MTARC2: variants seen among roughly 807,000 people sequenced by gnomAD.
MTARC2 encodes the protein MOCO sulphurase C-terminal domain containing 2.
A neutral mutation model predicts 35.6 loss-of-function variants in MTARC2; 27 were observed. The ratio of observed to expected loss-of-function variants is 0.76; its 90% CI spans 0.56 to 1.04. MTARC2 has a LOEUF of 1.04. Among genes scored for constraint, MTARC2 ranks in the 50% least tolerant of loss-of-function variants. MTARC2 has a pLI of 0.00. For missense variants in MTARC2, 412 were observed against 432.5 expected, an observed-to-expected ratio of 0.95 and a Z score of 0.42; for synonymous variants, 158 against 167.1, an observed-to-expected ratio of 0.95 and a Z score of 0.42.
chr1:220,760,068 A>G lies in MTARC2; in HGVS notation c.447-1590A>G, dbSNP rs78848207. On this transcript the variant is annotated intron_variant, in intron 2 of 7. Coordinates refer to ENST00000366913, the MANE Select transcript of MTARC2 (RefSeq NM_017898.5). Reference sequence around the variant, plus strand: ...ATGGTAGATGAGGGTAGGGGAATCAATTTCCAGATCCTGTGAATTATATCT... The same window carrying G: ...ATGGTAGATGAGGGTAGGGGAATCAGTTTCCAGATCCTGTGAATTATATCT... 5.7e-3 allele frequency among the ~76,000 whole-genome samples: 875 copies of G among 152,228 alleles called. 9 individuals carry two copies. The East Asian group carries it at 0.06, about 10-fold the overall frequency.
intron 4 of MTARC2, among the ~76,000 whole-genome samples, chr1:220,777,666 C>T (rs1451211576): frequency 1.3e-5 from 2 of 152,104 alleles, no homozygotes. Flanking sequence ...AGAGGATTGC[C>T]CTGTGAAATT....
intron 4 of MTARC2, among the ~76,000 whole-genome samples, chr1:220,774,751 A>G (rs1281534726): frequency 3.9e-5 from 6 of 152,292 alleles, no homozygotes; most frequent in Admixed American, 3.9e-4. Context: ...CCTCACTCTC[A>G]GCGGTCTTAT....
chr1:220,754,955 T>C lies in MTARC2; in HGVS notation c.281T>C (p.Leu94Pro). The change falls in exon 2 of 8, where the codon CTG (leucine) becomes CCG (proline). Residue 94 changes from leucine (L) to proline (P), a missense_variant. Coordinates refer to ENST00000366913, the MANE Select transcript of MTARC2 (RefSeq NM_017898.5). Reference sequence around the variant, plus strand: ...GGTTTGTTTCTCTGCAGGTTTTGGCTGGTGATTAAGGAAGATGGACACATG... The same window carrying C: ...GGTTTGTTTCTCTGCAGGTTTTGGCCGGTGATTAAGGAAGATGGACACATG... ...RSGNLRDRFW[L>P]VIKEDGHMVT... is the part of the protein sequence containing the mutation. The C allele has an allele frequency of 6.3e-7, 1 of 1,585,036 alleles. No homozygotes were observed. Among genetic ancestry groups the C allele is most frequent in the Non-Finnish European group, 8.6e-7 (1 of 1,165,728 alleles).
rs560123842 is a variant in MTARC2, at chr1:220,766,108, C to T, written c.750+3058C>T. On this transcript the variant is annotated intron_variant, in intron 4 of 7. Coordinates refer to ENST00000366913, the MANE Select transcript of MTARC2 (RefSeq NM_017898.5). ...GAGAGTGCCAGAGAGGAAGAGGCCCCCGACGTACTCAGGAGACTAGTTTCT... is the reference window on the plus strand; with the variant it reads ...GAGAGTGCCAGAGAGGAAGAGGCCCTCGACGTACTCAGGAGACTAGTTTCT... Among the ~76,000 whole-genome samples the T allele has an allele frequency of 1.1e-4, 16 of 152,088 alleles. No individual in the cohort carries two copies. The South Asian group carries it at 3.1e-3, about 30-fold the overall frequency.
chr1:220,767,676 GTT>G (rs1671619101), intron 4 of MTARC2, among the ~76,000 whole-genome samples: 1 of 152,178 alleles, frequency 6.6e-6, no homozygotes, highest in African/African-American at 2.4e-5. Context: ...GGAATAACTT[GTT>G]TGTATCAGTC....
At chr1:220,756,816 C>T (rs1671293163) in intron 2 of MTARC2, among the ~76,000 whole-genome samples, 1 of 152,238 alleles carries the variant, frequency 6.6e-6, no homozygotes, top group Non-Finnish European at 1.5e-5. Flanking sequence ...GGACACTCAC[C>T]TTCCTGGATG....
At chr1:220,757,982 T>TTTA (rs927228201) in intron 2 of MTARC2, among the ~76,000 whole-genome samples, 1 of 152,042 alleles carries the variant, frequency 6.6e-6, no homozygotes, top group African/African-American at 2.4e-5. Context: ...CTTATTTTAT[T>TTTA]TTATTATTAT....
At chr1:220,753,857 C>T (rs1175377842) in intron 1 of MTARC2, among the ~76,000 whole-genome samples, 1 of 152,088 alleles carries the variant, frequency 6.6e-6, no homozygotes, top group East Asian at 1.9e-4. Flanking sequence ...CAAGACCAGC[C>T]CAGCCAACAT....
intron 1 of MTARC2, among the ~76,000 whole-genome samples, chr1:220,753,307 CCAGCTTTTTGGAAG>C (rs1671182022): frequency 6.6e-6 from 1 of 152,148 alleles, no homozygotes; most frequent in Non-Finnish European, 1.5e-5. Flanking sequence ...CCCAGTGTCA[CCAGCTTTTTGGAAG>C]CAGGTAGTCA....
chr1:220,752,034 G>T (rs393585), intron 1 of MTARC2, among the ~76,000 whole-genome samples: 56,029 of 152,002 alleles, frequency 0.37, 13,476 homozygotes, highest in East Asian at 0.7. Context: ...TCCAAAATTG[G>T]ACTCCCTGTA....
intron 2 of MTARC2, among the ~76,000 whole-genome samples, chr1:220,756,707 A>C (rs934776664): frequency 2.0e-5 from 3 of 152,188 alleles, no homozygotes; most frequent in Non-Finnish European, 4.4e-5. Flanking sequence ...GTGTCACATG[A>C]GTAATATAGG....
chr1:220,768,989 G>C (rs1241550492), intron 4 of MTARC2, among the ~76,000 whole-genome samples: 1 of 152,290 alleles, frequency 6.6e-6, no homozygotes, highest in Admixed American at 6.5e-5. Context: ...ATTAGGAAAA[G>C]CTCCAGTGAT....
intron 2 of MTARC2, among the ~76,000 whole-genome samples, chr1:220,760,735 A>C (rs337139): frequency 0.74 from 112,496 of 152,064 alleles, 43,092 homozygotes; most frequent in African/African-American, 0.93. Context: ...AAGAAACAAA[A>C]CAAATTTAAT....
intron 4 of MTARC2, among the ~76,000 whole-genome samples, chr1:220,769,953 A>AAAAAAAG (rs1181385840): frequency 6.7e-6 from 1 of 149,628 alleles, no homozygotes; most frequent in East Asian, 2.0e-4. Flanking sequence ...AAAAAAAAAA[A>AAAAAAAG]AAAATTAAGC....
Position 220,781,777 on chromosome 1 carries a change from G to A in MTARC2, c.885-1G>A. On this transcript the variant is annotated splice_acceptor_variant, in intron 6 of 7. Transcript: ENST00000366913. LOFTEE classifies it high-confidence loss of function. ...GATGATTGAATTTTTGCTTGTTTCA[G>A]CTACCGCCTGTGTGATCCTTCTGAG... The A allele has an allele frequency of 1.2e-6, 2 of 1,613,964 alleles. No individual in the cohort carries two copies. Among genetic ancestry groups the A allele is most frequent in the Non-Finnish European group, 8.5e-7 (1 of 1,179,896 alleles).
At chr1:220,756,029 C>T (rs545986129) in intron 2 of MTARC2, among the ~76,000 whole-genome samples, 37 of 152,298 alleles carry the variant, frequency 2.4e-4, no homozygotes, top group African/African-American at 6.0e-4. Context: ...GTTGACTCTG[C>T]GGCCTCTGAA....
chr1:220,753,506 A>G (rs76178819), intron 1 of MTARC2, among the ~76,000 whole-genome samples: 2,894 of 152,314 alleles, frequency 0.019, 128 homozygotes, highest in East Asian at 0.15. Context: ...TGTCAGGGTC[A>G]GGACAGGGCA....
chr1:220,748,618 A>G lies in MTARC2; in HGVS notation c.87A>G (p.Gly29=). ...WPRWLGVAAL[G]LAAVALGTVA... ...GGTGGCTCGGGGTCGCCGCGCTAGG[A>G]CTGGCCGCCGTGGCCCTGGGGACTG... The change falls in exon 1 of 8, where the codon GGA becomes GGG. Residue 29 remains glycine (G), a synonymous_variant. Transcript: ENST00000366913. 6.7e-7 allele frequency: 1 copy of G among 1,485,350 alleles called. No homozygotes were observed. Among genetic ancestry groups the G allele is most frequent in the Non-Finnish European group, 8.9e-7 (1 of 1,126,126 alleles). 92.0% of individuals were successfully genotyped at this position (1,485,350 alleles called of 1,614,324 possible).
intron 1 of MTARC2, 93 bp downstream of exon 1, chr1:220,748,896 T>C (rs939221742): frequency 2.9e-6 from 4 of 1,369,346 alleles, no homozygotes; most frequent in Non-Finnish European, 3.8e-6. Context: ...GGAAGGACTA[T>C]AGAGGTTTGC....
Sources: allele counts gnomAD v4.1 joint callset (sites outside exome capture counted in the v4.1 genomes callset), GRCh38; gene constraint gnomAD v4.1.1; transcripts MANE v1.5; gene names NCBI Gene and HGNC (gene_info 2026-07-23, HGNC 2026-07-21).